Variants in VSX2 observed in about 807,000 individuals in gnomAD.
VSX2 encodes the protein ceh-10 homeo domain containing homolog.
VSX2 carries 28 observed loss-of-function variants against 32.1 expected under a neutral mutation model. The ratio of observed to expected loss-of-function variants is 0.87; its 90% confidence interval spans 0.65 to 1.20. VSX2 has a LOEUF of 1.20. Ranked by LOEUF, VSX2 falls within the 50% of genes most tolerant of loss-of-function variation. The probability of loss-of-function intolerance (pLI) is 0.00; values close to 1 mark genes in which losing one functional copy is unlikely to be tolerated. For synonymous variants in VSX2, 243 were observed against 214.1 expected (o/e 1.14, Z -1.18); for missense variants, 506 against 488.7 (o/e 1.04, Z -0.33).
intron 3 of VSX2, among the ~76,000 whole-genome samples, chr14:74,254,029 G>A (rs1327904527): frequency 1.9e-4 from 29 of 152,236 alleles, no homozygotes; most frequent in Admixed American, 1.9e-3. Context: ...GCTTCTAGCT[G>A]CTGCACCACA....
intron 3 of VSX2, among the ~76,000 whole-genome samples, chr14:74,246,637 C>A (rs757045016): frequency 2.6e-5 from 4 of 152,184 alleles, no homozygotes; most frequent in Non-Finnish European, 5.9e-5. Context: ...GTAAGCCAAG[C>A]CTTAAACTGC....
chr14:74,252,347 T>G (rs1313691840), intron 3 of VSX2, among the ~76,000 whole-genome samples: 1 of 152,058 alleles, frequency 6.6e-6, no homozygotes, highest in Non-Finnish European at 1.5e-5. Context: ...GCCAGACAAC[T>G]GTGGACAGCC....
At chr14:74,253,728 C>T (rs956481055) in intron 3 of VSX2, among the ~76,000 whole-genome samples, 3 of 152,046 alleles carry the variant, frequency 2.0e-5, no homozygotes, top group Non-Finnish European at 4.4e-5. Flanking sequence ...GTTGGGAGCT[C>T]AAAACCAGCC....
chr14:74,242,490 G>A (rs936884447), intron 2 of VSX2, among the ~76,000 whole-genome samples: 1 of 152,056 alleles, frequency 6.6e-6, no homozygotes, highest in African/African-American at 2.4e-5. Context: ...TTGAATGCAG[G>A]TGAACTTCGA....
chr14:74,253,886 C>T (rs913816260), intron 3 of VSX2, among the ~76,000 whole-genome samples: 14 of 152,090 alleles, frequency 9.2e-5, no homozygotes, highest in Middle Eastern at 3.4e-3. Flanking sequence ...GCTGAGATCG[C>T]GCCATTGCAC....
At chr14:74,244,929 T>TGTGTGTGAGAGAGAGAGAGA (rs1555387789) in intron 2 of VSX2, among the ~76,000 whole-genome samples, 1 of 38,852 alleles carries the variant, frequency 2.6e-5, no homozygotes, top group African/African-American at 7.3e-5. Context: ...TGTGTGTGTG[T>TGTGTGTGAGAGAGAGAGAGA]GAAAGAGAGA....
intron 2 of VSX2, 95 bp from the exon 3 acceptor site, chr14:74,245,070 C>A: frequency 1.3e-6 from 2 of 1,565,030 alleles, no homozygotes; most frequent in Non-Finnish European, 1.7e-6. Context: ...GGTTCGGGGC[C>A]TGCCCAGGAG....
At chr14:74,257,134 C>G (rs1010894276) in intron 3 of VSX2, among the ~76,000 whole-genome samples, 4 of 152,204 alleles carry the variant, frequency 2.6e-5, no homozygotes, top group Non-Finnish European at 5.9e-5. Context: ...GGCACACATC[C>G]TGCAGCACAG....
chr14:74,242,426 C>T (rs117447114), intron 2 of VSX2, among the ~76,000 whole-genome samples: 1 of 152,154 alleles, frequency 6.6e-6, no homozygotes, highest in Non-Finnish European at 1.5e-5. Context: ...CACTGTTGAC[C>T]GCCACCTTTT....
chr14:74,247,139 C>T (rs1015932460), intron 3 of VSX2, among the ~76,000 whole-genome samples: 4 of 152,128 alleles, frequency 2.6e-5, no homozygotes, highest in African/African-American at 9.7e-5. Context: ...TGCCTGAATG[C>T]TACCCCCAGA....
chr14:74,260,857 G>A lies in VSX2; in HGVS notation c.1024G>A (p.Ala342Thr), dbSNP rs1309689448. ...RSTEKPEEEE[A>T]MDEDRPAERL... The stretch of plus-strand genomic sequence containing the variant: ...TACCGAGAAGCCAGAGGAGGAGGAG[G>A]CCATGGATGAAGACAGGCCGGCGGA... The change falls in exon 5 of 5, where the codon GCC (alanine) becomes ACC (threonine). Residue 342 changes from alanine (A) to threonine (T), a missense_variant. Physicochemically the swap from Ala to Thr is moderately conservative, Grantham distance 58 (BLOSUM62 0). Transcript: ENST00000261980. The A allele has an allele frequency of 2.6e-6, 4 of 1,568,382 alleles. No homozygotes were observed. In the African/African-American group the frequency reaches 4.1e-5, roughly 16 times the overall value.
chr14:74,240,316 G>T (rs979438567), intron 1 of VSX2, among the ~76,000 whole-genome samples: 4 of 152,172 alleles, frequency 2.6e-5, no homozygotes, highest in Non-Finnish European at 5.9e-5. Flanking sequence ...TGTAGGATCC[G>T]CACTCCTCGA....
intron 1 of VSX2, 46 bp from the exon 2 acceptor site, chr14:74,241,136 G>T: frequency 6.3e-7 from 1 of 1,596,848 alleles, no homozygotes; most frequent in Non-Finnish European, 8.6e-7. Context: ...GGGCACAGCG[G>T]AGCGCGTCCC....
At chr14:74,247,049 C>T (rs542045376) in intron 3 of VSX2, among the ~76,000 whole-genome samples, 80 of 152,118 alleles carry the variant, frequency 5.3e-4, no homozygotes, top group African/African-American at 1.8e-3. Flanking sequence ...GCTCATCGCC[C>T]TGGGACTGTG....
At chr14:74,250,070 A>G (rs1704152406) in intron 3 of VSX2, among the ~76,000 whole-genome samples, 1 of 152,062 alleles carries the variant, frequency 6.6e-6, no homozygotes. Flanking sequence ...GCAAAACCTC[A>G]TCTCCACAAA....
At chr14:74,246,004 C>A (rs1287768201) in intron 3 of VSX2, among the ~76,000 whole-genome samples, 2 of 152,230 alleles carry the variant, frequency 1.3e-5, no homozygotes, top group African/African-American at 4.8e-5. Context: ...CACTTAGCGG[C>A]AGCAGGACCT....
chr14:74,251,267 T>A (rs1427375224), intron 3 of VSX2, among the ~76,000 whole-genome samples: 2 of 151,964 alleles, frequency 1.3e-5, no homozygotes, highest in African/African-American at 4.8e-5. Flanking sequence ...CTGGCGAATA[T>A]GGTGAAACCC....
intron 3 of VSX2, among the ~76,000 whole-genome samples, chr14:74,250,372 A>C (rs1180778371): frequency 6.6e-6 from 1 of 152,144 alleles, no homozygotes; most frequent in African/African-American, 2.4e-5. Flanking sequence ...TGTTACTAGA[A>C]TTGTGAGGGC....
chr14:74,243,791 C>G (rs1285434394), intron 2 of VSX2, among the ~76,000 whole-genome samples: 1 of 151,694 alleles, frequency 6.6e-6, no homozygotes, highest in East Asian at 1.9e-4. Flanking sequence ...CCTGAATTAT[C>G]CCCCGAGATA....
Sources: gnomAD v4.1 joint callset for allele counts (sites outside exome capture counted in the v4.1 genomes callset) on GRCh38, gnomAD v4.1.1 for gene constraint, MANE v1.5 for transcripts, NCBI Gene and HGNC (gene_info 2026-07-23, HGNC 2026-07-21) for gene names.